The following BNC2 variants were observed in gnomAD, a reference collection of about 807,000 sequenced individuals.
BNC2 encodes the protein basonuclin zinc finger protein 2, also known as zinc finger protein basonuclin-2.
In BNC2, 20 loss-of-function variants were observed where a neutral mutation model predicts 76.3. The ratio of observed to expected loss-of-function variants is 0.26; its 90% CI spans 0.18 to 0.38. The LOEUF (loss-of-function observed/expected upper bound fraction) is 0.38. Ranked by LOEUF, BNC2 falls within the 10% of genes least tolerant of loss-of-function variation. BNC2 has a pLI of 1.00. For missense variants in BNC2, 1,382 were observed against 1,399.8 expected (o/e 0.99, Z 0.20); for synonymous variants, 582 against 514.8 (o/e 1.13, Z -1.77).
At chr9:16,507,521 CG>C (rs1355964012) in intron 5 of BNC2, among the ~76,000 whole-genome samples, 1 of 151,904 alleles carries the variant, frequency 6.6e-6, no homozygotes, top group East Asian at 1.9e-4. Context: ...CTCCACCTCC[CG>C]GGTTCAAGCG....
At chr9:16,607,696 G>T (rs753060821) in intron 3 of BNC2, among the ~76,000 whole-genome samples, 1 of 152,100 alleles carries the variant, frequency 6.6e-6, no homozygotes, top group Non-Finnish European at 1.5e-5. Context: ...TTTCAGATGA[G>T]GTTCATTTTA....
chr9:16,710,847 C>G (rs887693428), intron 3 of BNC2, among the ~76,000 whole-genome samples: 1 of 152,032 alleles, frequency 6.6e-6, no homozygotes, highest in African/African-American at 2.4e-5. Context: ...TTTTACTTGA[C>G]ATGTATTTGC....
At chr9:16,681,272 G>A (rs1015515606) in intron 3 of BNC2, among the ~76,000 whole-genome samples, 10 of 152,104 alleles carry the variant, frequency 6.6e-5, no homozygotes, top group African/African-American at 1.4e-4. Context: ...AATTTCATAC[G>A]GTGAAGTCAG....
chr9:16,713,445 CTTTTTTTT>C (rs34090221), intron 3 of BNC2, among the ~76,000 whole-genome samples: 1 of 128,216 alleles, frequency 7.8e-6, no homozygotes, highest in Non-Finnish European at 1.6e-5. Context: ...GGAAAAGGCA[CTTTTTTTT>C]TTTTTTTTTT....
At chr9:16,593,604 T>G (rs895446256) in intron 3 of BNC2, among the ~76,000 whole-genome samples, 1 of 152,068 alleles carries the variant, frequency 6.6e-6, no homozygotes, top group African/African-American at 2.4e-5. Flanking sequence ...ATTAGTAATA[T>G]TAAAGAAACA....
intron 5 of BNC2, among the ~76,000 whole-genome samples, chr9:16,477,460 T>C (rs1821951677): frequency 6.6e-6 from 1 of 151,860 alleles, no homozygotes; most frequent in Non-Finnish European, 1.5e-5. Context: ...ACTTAGACAA[T>C]CATTTATTAA....
intron 5 of BNC2, among the ~76,000 whole-genome samples, chr9:16,514,405 C>G (rs1445790837): frequency 1.3e-5 from 2 of 152,156 alleles, no homozygotes; most frequent in African/African-American, 2.4e-5. Flanking sequence ...CTTCAGTATG[C>G]AGAGCAGGGA....
At chr9:16,586,731 T>G (rs1819782522) in intron 3 of BNC2, among the ~76,000 whole-genome samples, 1 of 152,152 alleles carries the variant, frequency 6.6e-6, no homozygotes, top group Non-Finnish European at 1.5e-5. Flanking sequence ...AAACCGTCAC[T>G]GTGGAGCCAG....
intron 3 of BNC2, among the ~76,000 whole-genome samples, chr9:16,667,078 CAT>C (rs1449304456): frequency 5.5e-5 from 8 of 145,248 alleles, no homozygotes; most frequent in African/African-American, 8.2e-5. Context: ...CTCAGATACA[CAT>C]ACACACACAC....
intron 3 of BNC2, among the ~76,000 whole-genome samples, chr9:16,693,097 T>C (rs998090210): frequency 5.3e-5 from 6 of 112,994 alleles, no homozygotes; most frequent in South Asian, 3.1e-4. Context: ...ACCACTGCAC[T>C]CCAGCCTGGG....
chr9:16,861,684 T>C (rs1248444753), intron 1 of BNC2, among the ~76,000 whole-genome samples: 2 of 151,946 alleles, frequency 1.3e-5, no homozygotes, highest in Non-Finnish European at 2.9e-5. Context: ...CTAAGATCTG[T>C]AAAAATAAAA....
intron 3 of BNC2, among the ~76,000 whole-genome samples, chr9:16,665,390 G>GAGAT: frequency 7.3e-6 from 1 of 136,652 alleles, no homozygotes; most frequent in South Asian, 2.3e-4. Flanking sequence ...AAAAAAAAGA[G>GAGAT]AGAGAGAGAG....
chr9:16,815,419 T>C (rs1378833131), intron 1 of BNC2, among the ~76,000 whole-genome samples: 1 of 152,204 alleles, frequency 6.6e-6, no homozygotes, highest in Non-Finnish European at 1.5e-5. Context: ...ATATGGAATG[T>C]TTGTAAGGAT....
intron 4 of BNC2, among the ~76,000 whole-genome samples, chr9:16,574,156 A>G (rs1819417057): frequency 6.6e-6 from 1 of 152,172 alleles, no homozygotes; most frequent in Non-Finnish European, 1.5e-5. Context: ...AAACCCTTCA[A>G]TTTGTGTTCT....
chr9:16,662,022 T>A (rs1222382293), intron 3 of BNC2, among the ~76,000 whole-genome samples: 1 of 152,308 alleles, frequency 6.6e-6, no homozygotes. Flanking sequence ...GCTGCCAACA[T>A]GTTTCCCTAG....
At chr9:16,498,038 T>C (rs553853123) in intron 5 of BNC2, among the ~76,000 whole-genome samples, 4 of 149,278 alleles carry the variant, frequency 2.7e-5, no homozygotes, top group Non-Finnish European at 4.4e-5. Flanking sequence ...ACCATATATA[T>C]ATTCCATCAT....
chr9:16,734,642 C>T (rs960457927), intron 2 of BNC2, among the ~76,000 whole-genome samples: 1 of 152,166 alleles, frequency 6.6e-6, no homozygotes, highest in Admixed American at 6.5e-5. Context: ...CTTCAGTTTT[C>T]AGTTAGTTTG....
intron 1 of BNC2, among the ~76,000 whole-genome samples, chr9:16,747,366 AG>A (rs1825041053): frequency 6.6e-6 from 1 of 152,208 alleles, no homozygotes; most frequent in African/African-American, 2.4e-5. Context: ...GTAAAATCTC[AG>A]CATCCAGAGC....
At chr9:16,596,563 G>C (rs1231567828) in intron 3 of BNC2, among the ~76,000 whole-genome samples, 1 of 152,094 alleles carries the variant, frequency 6.6e-6, no homozygotes, top group Non-Finnish European at 1.5e-5. Flanking sequence ...TATGGATACT[G>C]GCAAATTCTT....
Sources: gnomAD v4.1 joint callset for allele counts (sites outside exome capture counted in the v4.1 genomes callset) on GRCh38, gnomAD v4.1.1 for gene constraint, MANE v1.5 for transcripts, NCBI Gene and HGNC (gene_info 2026-07-23, HGNC 2026-07-21) for gene names.